EPHA3: variants seen among roughly 807,000 people sequenced by gnomAD.
EPHA3 encodes ephrin type-A receptor 3.
Under a neutral mutation model 107.1 loss-of-function variants are expected in EPHA3, and 42 were observed. The observed-to-expected ratio is 0.39, with a 90% confidence interval of 0.31 to 0.51. The LOEUF is 0.51. Among genes scored for constraint, EPHA3 ranks in the 20% least tolerant of loss-of-function variants. The pLI is 0.78. For synonymous variants in EPHA3, 461 were observed against 424.8 expected (o/e 1.09, Z -1.05); for missense variants, 1,183 against 1,211.2 (o/e 0.98, Z 0.35).
At chr3:89,193,877 C>T (rs548943973) in intron 2 of EPHA3, among the ~76,000 whole-genome samples, 1 of 152,052 alleles carries the variant, frequency 6.6e-6, no homozygotes, top group South Asian at 2.1e-4. Flanking sequence ...TTTTTCTGAG[C>T]TCAAAATTTA....
chr3:89,268,863 G>T (rs1319374508), intron 3 of EPHA3, among the ~76,000 whole-genome samples: 5 of 150,546 alleles, frequency 3.3e-5, no homozygotes, highest in African/African-American at 1.2e-4. Context: ...ACCTTCCTGT[G>T]TTGTGATAAA....
chr3:89,166,729 G>A (rs577387894), intron 2 of EPHA3, among the ~76,000 whole-genome samples: 17 of 151,850 alleles, frequency 1.1e-4, no homozygotes, highest in South Asian at 4.2e-4. Context: ...CAGAAATGTC[G>A]TACTCTCAGA....
chr3:89,400,192 C>CTTTTTTTTTTTTTTTTT (rs35134848), intron 7 of EPHA3: 1 of 206,770 alleles, frequency 4.8e-6, no homozygotes, highest in African/African-American at 3.0e-5. Context: ...TTCTTTCTTT[C>CTTTTTTTTTTTTTTTTT]TTTTTTTTTT....
intron 3 of EPHA3, among the ~76,000 whole-genome samples, chr3:89,283,743 A>C (rs1706004819): frequency 6.6e-6 from 1 of 152,154 alleles, no homozygotes; most frequent in African/African-American, 2.4e-5. Flanking sequence ...GAGAGAATTG[A>C]TGTTCTATAA....
intron 3 of EPHA3, among the ~76,000 whole-genome samples, chr3:89,274,120 T>G (rs2107303064): frequency 6.6e-6 from 1 of 152,074 alleles, no homozygotes; most frequent in South Asian, 2.1e-4. Flanking sequence ...AAGTATTGAC[T>G]TTTGGGTCAC....
intron 5 of EPHA3, among the ~76,000 whole-genome samples, chr3:89,357,106 C>CAAAAAAAAAAAAAAAAAAAAAAAAAAAAA (rs56717904): frequency 1.3e-4 from 2 of 15,978 alleles, no homozygotes; most frequent in African/African-American, 4.3e-4. Context: ...GACCCTGTCT[C>CAAAAAAAAAAAAAAAAAAAAAAAAAAAAA]AAAAAAAAAA....
At chr3:89,412,689 A>T (rs758914922) in intron 9 of EPHA3, among the ~76,000 whole-genome samples, 1 of 151,750 alleles carries the variant, frequency 6.6e-6, no homozygotes, top group Non-Finnish European at 1.5e-5. Flanking sequence ...TGCAGCCATT[A>T]TCTCACCTTA....
intron 5 of EPHA3, among the ~76,000 whole-genome samples, chr3:89,360,831 T>A (rs1158081494): frequency 6.6e-6 from 1 of 151,178 alleles, no homozygotes; most frequent in Non-Finnish European, 1.5e-5. Flanking sequence ...CTAATCAAAT[T>A]TCCTGTGTAA....
intron 3 of EPHA3, among the ~76,000 whole-genome samples, chr3:89,285,400 AC>A (rs759513914): frequency 6.6e-6 from 1 of 152,220 alleles, no homozygotes; most frequent in Non-Finnish European, 1.5e-5. Flanking sequence ...AAAAATATCT[AC>A]ACTGGTATTA....
chr3:89,297,297 T>G (rs1305413166), intron 3 of EPHA3, among the ~76,000 whole-genome samples: 1 of 152,202 alleles, frequency 6.6e-6, no homozygotes, highest in African/African-American at 2.4e-5. Context: ...AGTTTTTGAT[T>G]TAAAGTAAGA....
intron 15 of EPHA3, among the ~76,000 whole-genome samples, chr3:89,451,627 G>C (rs1181508522): frequency 6.6e-6 from 1 of 152,118 alleles, no homozygotes; most frequent in African/African-American, 2.4e-5. Context: ...GCTTGGACTT[G>C]TGAGTTCAAT....
Position 89,210,468 on chromosome 3 carries a change from T to C in EPHA3, c.762T>C (p.Ile254=). 6.3e-7 allele frequency: 1 copy of C among 1,589,956 alleles called. No homozygotes were observed. Among genetic ancestry groups the C allele is most frequent in the African/African-American group, 1.4e-5 (1 of 73,934 alleles). The change falls in exon 3 of 17, where the codon ATT becomes ATC. Residue 254 remains isoleucine, a synonymous_variant. Coordinates refer to ENST00000336596, the MANE Select transcript of EPHA3 (RefSeq NM_005233.6). Reference sequence around the variant, plus strand: ...CAGAAGGCGAATGGCTTGTACCCATTGGCAAGTGTTCCTGCAATGCTGGCT... The same window carrying C: ...CAGAAGGCGAATGGCTTGTACCCATCGGCAAGTGTTCCTGCAATGCTGGCT... ...CSTEGEWLVP[I]GKCSCNAGYE... is the part of the protein sequence containing the mutation.
At chr3:89,471,450 C>A (rs1041726078) in intron 15 of EPHA3, among the ~76,000 whole-genome samples, 5 of 152,164 alleles carry the variant, frequency 3.3e-5, no homozygotes, top group African/African-American at 4.8e-5. Context: ...CTCACCGCAA[C>A]CTTCGCCTCC....
At chr3:89,433,360 T>C (rs952024526) in intron 13 of EPHA3, among the ~76,000 whole-genome samples, 1 of 151,990 alleles carries the variant, frequency 6.6e-6, no homozygotes, top group African/African-American at 2.4e-5. Context: ...TAATCAAAAT[T>C]GTCACATGGC....
intron 2 of EPHA3, among the ~76,000 whole-genome samples, chr3:89,138,602 G>A (rs992751860): frequency 1.3e-5 from 2 of 151,730 alleles, no homozygotes; most frequent in African/African-American, 4.8e-5. Context: ...ATCAATCAAA[G>A]ACAACATTTT....
intron 5 of EPHA3, among the ~76,000 whole-genome samples, chr3:89,342,596 GAT>G (rs1267259018): frequency 6.6e-6 from 1 of 151,986 alleles, no homozygotes. Context: ...TTACTTGTGG[GAT>G]TTTAATTGTG....
chr3:89,117,913 CT>C (rs1042559143), intron 1 of EPHA3, among the ~76,000 whole-genome samples: 1 of 151,856 alleles, frequency 6.6e-6, no homozygotes, highest in Non-Finnish European at 1.5e-5. Flanking sequence ...GTAGATTTTG[CT>C]TTTTTTACAG....
chr3:89,125,592 G>T lies in EPHA3; in HGVS notation c.89-1617G>T, dbSNP rs76660297. Reference sequence around the variant, plus strand: ...AATTATACTATGTAATCCATGCAGCGGCTATCTATCTTCTGTTTTAATTTA... The same window carrying T: ...AATTATACTATGTAATCCATGCAGCTGCTATCTATCTTCTGTTTTAATTTA... On this transcript the variant is annotated intron_variant, in intron 1 of 16. Coordinates refer to ENST00000336596, the MANE Select transcript of EPHA3 (RefSeq NM_005233.6). Among the ~76,000 whole-genome samples the T allele has an allele frequency of 2.4e-3, 361 of 151,434 alleles. 2 individuals carry two copies. Among genetic ancestry groups the T allele is most frequent in the South Asian group, 0.016 (78 of 4,804 alleles).
intron 10 of EPHA3, among the ~76,000 whole-genome samples, chr3:89,414,009 C>T (rs1386430664): frequency 1.3e-5 from 2 of 151,510 alleles, no homozygotes; most frequent in African/African-American, 2.4e-5. Flanking sequence ...GAACCATGCT[C>T]AACAATAAAA....
Sources: gnomAD v4.1 joint callset for allele counts (sites outside exome capture counted in the v4.1 genomes callset) on GRCh38, gnomAD v4.1.1 for gene constraint, MANE v1.5 for transcripts, NCBI Gene and HGNC (gene_info 2026-07-23, HGNC 2026-07-21) for gene names.